The following GAB1 variants were observed in gnomAD, a reference collection of about 807,000 sequenced individuals.
GAB1 encodes GRB2 associated binding protein 1.
In GAB1, 19 loss-of-function variants were observed where a neutral mutation model predicts 66.5. The observed-to-expected ratio is 0.29, with a 90% CI of 0.20 to 0.42. The LOEUF is 0.42. Among genes scored for constraint, GAB1 ranks in the 10% least tolerant of loss-of-function variants. The pLI is 1.00. For missense variants in GAB1, 732 were observed against 858.5 expected (o/e 0.85, Z 1.84); for synonymous variants, 294 against 301.4 (o/e 0.98, Z 0.25).
At chr4:143,359,697 T>C (rs977261638) in intron 1 of GAB1, among the ~76,000 whole-genome samples, 4 of 152,194 alleles carry the variant, frequency 2.6e-5, no homozygotes, top group Non-Finnish European at 2.9e-5. Context: ...CAGCCAAAGA[T>C]TGGAATCTAA....
chr4:143,446,056 T>C (rs926719783), intron 6 of GAB1, among the ~76,000 whole-genome samples: 3 of 152,160 alleles, frequency 2.0e-5, no homozygotes, highest in African/African-American at 4.8e-5. Flanking sequence ...TGGTTTTTTG[T>C]CCTTGCGATA....
At position 143,474,542 on chromosome 4, in the gene GAB1, T is replaced by C. The variant is rs774831970; in HGVS notation, c.*5353T>C. The C allele has an allele frequency of 6.6e-6, 1 of 152,128 alleles. No individual in the cohort carries two copies. The highest frequency in any genetic ancestry group is 2.4e-5 in the African/African-American group (1 of 41,392). The allele number at this position is 152,128 out of a possible 1,614,324, so 9.4% of individuals were successfully genotyped here. A position where few individuals can be genotyped will look rare whatever the true frequency, so the allele number is the denominator to read the frequency against. On this transcript the variant is annotated 3_prime_UTR_variant, in exon 10 of 10. Transcript: ENST00000262994. ...GATTAACATTTACAATCAGTTGATT[T>C]TAAGTAAAGCAGATTCTCATCCATA...
intron 1 of GAB1, among the ~76,000 whole-genome samples, chr4:143,410,843 A>G (rs1200356715): frequency 6.6e-6 from 1 of 152,176 alleles, no homozygotes; most frequent in Admixed American, 6.5e-5. Flanking sequence ...TATTTAGCAG[A>G]CATTGACTGA....
intron 1 of GAB1, among the ~76,000 whole-genome samples, chr4:143,380,362 A>T (rs903743259): frequency 5.3e-5 from 8 of 152,192 alleles, no homozygotes; most frequent in African/African-American, 1.9e-4. Flanking sequence ...AGCAATTCAT[A>T]TAACCACAGG....
chr4:143,357,399 A>G (rs926843682), intron 1 of GAB1, among the ~76,000 whole-genome samples: 2 of 152,208 alleles, frequency 1.3e-5, no homozygotes, highest in African/African-American at 4.8e-5. Context: ...GGAGGAGTCC[A>G]TTGGAACCAG....
At chr4:143,451,231 C>T (rs1734914502) in intron 6 of GAB1, among the ~76,000 whole-genome samples, 1 of 152,134 alleles carries the variant, frequency 6.6e-6, no homozygotes, top group Admixed American at 6.6e-5. Flanking sequence ...TAGGGGAGGG[C>T]AGCCTGGCAA....
intron 1 of GAB1, among the ~76,000 whole-genome samples, chr4:143,394,618 A>G (rs1731350066): frequency 6.6e-6 from 1 of 152,110 alleles, no homozygotes; most frequent in Non-Finnish European, 1.5e-5. Flanking sequence ...TTAGCCACTT[A>G]GTTTCATCAT....
chr4:143,433,569 C>G lies in GAB1; in HGVS notation c.446C>G (p.Thr149Ser). The G allele has an allele frequency of 1.9e-6, 3 of 1,614,024 alleles. No homozygotes were observed. The highest frequency in any genetic ancestry group is 2.5e-6 in the Non-Finnish European group (3 of 1,179,872). The change falls in exon 3 of 10, where the codon ACC (threonine) becomes AGC (serine). Residue 149 changes from threonine to serine, a missense_variant. Thr to Ser is a moderately conservative substitution (Grantham distance 58). Around this residue, in one of 4 missense-constraint regions of GAB1, gnomAD observed 427 missense variants for 420.6 expected, o/e 1.02. Coordinates refer to ENST00000262994, the MANE Select transcript of GAB1 (RefSeq NM_002039.4). ...GCTATAAATACAGCACCACCATCCA[C>G]CCAGGCAGATTCATCCTCTGCTACT... Reference protein sequence around the residue: ...PLAINTAPPSTQADSSSATLP... With the variant: ...PLAINTAPPSSQADSSSATLP...
At chr4:143,340,373 A>G (rs940521952) in intron 1 of GAB1, among the ~76,000 whole-genome samples, 1 of 152,168 alleles carries the variant, frequency 6.6e-6, no homozygotes, top group East Asian at 1.9e-4. Context: ...TTTGAGCATC[A>G]TGATTCTGTT....
At chr4:143,439,423 C>G (rs1746484005) in intron 4 of GAB1, among the ~76,000 whole-genome samples, 1 of 152,156 alleles carries the variant, frequency 6.6e-6, no homozygotes, top group African/African-American at 2.4e-5. Flanking sequence ...ATAACAGTAT[C>G]TAACTCCTTT....
At chr4:143,405,888 T>G (rs1732017571) in intron 1 of GAB1, among the ~76,000 whole-genome samples, 1 of 151,776 alleles carries the variant, frequency 6.6e-6, no homozygotes, top group Admixed American at 6.6e-5. Flanking sequence ...CTACTCCAAA[T>G]GGAAAAGATG....
chr4:143,399,471 ATTG>A (rs1013744340), intron 1 of GAB1, among the ~76,000 whole-genome samples: 12 of 152,234 alleles, frequency 7.9e-5, no homozygotes, highest in African/African-American at 1.4e-4. Flanking sequence ...TGTGTTTTAT[ATTG>A]TTGTTGTGTT....
intron 1 of GAB1, among the ~76,000 whole-genome samples, chr4:143,408,482 A>C (rs1732184804): frequency 6.6e-6 from 1 of 151,792 alleles, no homozygotes; most frequent in Admixed American, 6.5e-5. Context: ...TTGTACAAAC[A>C]CACAGTTATT....
intron 1 of GAB1, among the ~76,000 whole-genome samples, chr4:143,398,920 A>T (rs1387578732): frequency 1.3e-5 from 2 of 152,098 alleles, no homozygotes; most frequent in Non-Finnish European, 2.9e-5. Context: ...TAAGTAAGTA[A>T]AATGGGCAGT....
chr4:143,368,093 C>G (rs77815966), intron 1 of GAB1, among the ~76,000 whole-genome samples: 3,150 of 151,590 alleles, frequency 0.021, 104 homozygotes, highest in African/African-American at 0.072. Context: ...GTGGAAAGGA[C>G]TTTGATCGTG....
intron 6 of GAB1, among the ~76,000 whole-genome samples, chr4:143,451,370 G>A (rs892588437): frequency 3.9e-5 from 6 of 152,132 alleles, no homozygotes; most frequent in Non-Finnish European, 8.8e-5. Flanking sequence ...AAGGAGGGAC[G>A]AATGCCAGAT....
chr4:143,355,569 G>A (rs143683142), intron 1 of GAB1, among the ~76,000 whole-genome samples: 313 of 152,148 alleles, frequency 2.1e-3, no homozygotes, highest in African/African-American at 7.1e-3. Flanking sequence ...CAGTAGCATT[G>A]GAAACAACAG....
Position 143,472,184 on chromosome 4 carries a change from A to T in GAB1, c.*2995A>T, listed in dbSNP as rs1428804296. Reference sequence around the variant, plus strand: ...AAAAGATTTTTTAAATCTACACTTCAGTTTATACATCTTTATCATTATCAA... The same window carrying T: ...AAAAGATTTTTTAAATCTACACTTCTGTTTATACATCTTTATCATTATCAA... On this transcript the variant is annotated 3_prime_UTR_variant, in exon 10 of 10. Transcript: ENST00000262994. The T allele has an allele frequency of 6.6e-6, 1 of 152,212 alleles. No individual in the cohort carries two copies. 9.4% of individuals were successfully genotyped at this position (152,212 alleles called of 1,614,324 possible). A position where few individuals can be genotyped will look rare whatever the true frequency, so the allele number is the denominator to read the frequency against.
chr4:143,448,479 G>A (rs1734698771), intron 6 of GAB1, among the ~76,000 whole-genome samples: 4 of 151,340 alleles, frequency 2.6e-5, no homozygotes, highest in East Asian at 1.9e-4. Context: ...TTCTGTTATT[G>A]GTCTATTCAG....
Sources: gnomAD v4.1 joint callset for allele counts (sites outside exome capture counted in the v4.1 genomes callset) on GRCh38, gnomAD v4.1.1 for gene constraint, gnomAD v4.1.1 regional missense constraint, MANE v1.5 for transcripts, NCBI Gene and HGNC (gene_info 2026-07-23, HGNC 2026-07-21) for gene names.